DCHS1: variants seen among roughly 807,000 people sequenced by gnomAD.
The protein encoded by DCHS1 is dachsous cadherin-related 1.
A neutral mutation model predicts 213.9 loss-of-function variants in DCHS1; 78 were observed. The observed-to-expected ratio is 0.36, with a 90% CI of 0.30 to 0.44. The LOEUF is 0.44. Ranked by LOEUF, DCHS1 falls within the 20% of genes least tolerant of loss-of-function variation. DCHS1 has a pLI of 1.00. For synonymous variants in DCHS1, 1,828 were observed against 1,873.7 expected, an observed-to-expected ratio of 0.98 and a Z score of 0.63; for missense variants, 3,946 against 4,395.9, an observed-to-expected ratio of 0.90 and a Z score of 2.89.
chr11:6,644,111 C>T (rs1856121080), intron 1 of DCHS1, among the ~76,000 whole-genome samples: 1 of 152,210 alleles, frequency 6.6e-6, no homozygotes. Context: ...CTCCACCTGA[C>T]TGGAGATACC....
intron 2 of DCHS1, 145 bp from the exon 3 acceptor site, chr11:6,634,451 C>T: frequency 1.2e-6 from 1 of 864,838 alleles, no homozygotes; most frequent in South Asian, 2.2e-5. Flanking sequence ...CCAAACCCAA[C>T]CTCAGCCTGT....
At chr11:6,650,778 A>T (rs556057462) in intron 1 of DCHS1, among the ~76,000 whole-genome samples, 1 of 152,290 alleles carries the variant, frequency 6.6e-6, no homozygotes, top group Admixed American at 6.5e-5. Flanking sequence ...GCCCCAGTAG[A>T]CACCTGGCTC....
Position 6,621,810 on chromosome 11 carries a change from T to A in DCHS1, c.9866A>T (p.Glu3289Val). Residue 3289 changes from glutamate (E) to valine (V), a missense_variant, in exon 21 of 21, where the codon GAG becomes GTG. Physicochemically the swap from Glu to Val is moderately radical, Grantham distance 121 (BLOSUM62 -2). Transcript: ENST00000299441. Reference sequence around the variant, plus strand: ...GTGCAGCTCCGTGTCATCAGGTGGCTCCAGGCCAGACTCTGCGCTGAGTGC... The same window carrying A: ...GTGCAGCTCCGTGTCATCAGGTGGCACCAGGCCAGACTCTGCGCTGAGTGC... ...ASALSAESGL[E>V]PPDDTELHI 3 of 1,601,218 alleles carry A rather than the reference T, an allele frequency of 1.9e-6. No individual in the cohort carries two copies. The Admixed American group carries it at 5.1e-5, about 27-fold the overall frequency.
Position 6,632,931 on chromosome 11 carries a change from A to G in DCHS1, c.2581T>C (p.Leu861=), listed in dbSNP as rs1855934973. 1.2e-6 allele frequency: 2 copies of G among 1,614,020 alleles called. No individual in the cohort carries two copies. ...CTGCCTGCTCGCACCTCCAGCTCCA[A>G]CACTGGTCCCAGTAGCTCCCGGTCC... The part of the protein sequence containing the change: ...PLDRELLGPV[L]ELEVRAGSGV... Residue 861 remains leucine (L), a synonymous_variant, in exon 6 of 21, where the codon TTG becomes CTG. Coordinates refer to ENST00000299441, the MANE Select transcript of DCHS1 (RefSeq NM_003737.4). This position sits in a 1 kb window ranked among gnomAD's most constrained non-coding sequence, Gnocchi z 5.9.
At chr11:6,652,869 G>A (rs1451567496) in intron 1 of DCHS1, among the ~76,000 whole-genome samples, 1 of 152,102 alleles carries the variant, frequency 6.6e-6, no homozygotes, top group Non-Finnish European at 1.5e-5. Context: ...ACTGCCTAAA[G>A]AGCTCTTGAA....
chr11:6,643,882 G>A (rs1322399611), intron 1 of DCHS1, among the ~76,000 whole-genome samples: 1 of 152,136 alleles, frequency 6.6e-6, no homozygotes, highest in African/African-American at 2.4e-5. Flanking sequence ...CATCCATCCA[G>A]GTGTCCAACT....
In DCHS1 at chr11:6,623,396, C is replaced by A; in HGVS notation, c.8280G>T (p.Leu2760=). ...PGPEGREAFA[L]NSSTGELRAR... ...CACGCAACTCCCCTGTTGAGCTGTT[C>A]AGTGCAAATGCCTCACGGCCCTCAG... The change falls in exon 21 of 21, where the codon CTG becomes CTT. Residue 2760 remains leucine (L), a synonymous_variant. Transcript: ENST00000299441. 6.3e-7 allele frequency: 1 copy of A among 1,596,806 alleles called. No homozygotes were observed. The highest frequency in any genetic ancestry group is 2.3e-5 in the East Asian group (1 of 43,886).
rs143527272 is a variant in DCHS1, at chr11:6,628,205, A to T, written c.5371+416T>A. Among the ~76,000 whole-genome samples the T allele has an allele frequency of 1.7e-3, 260 of 152,358 alleles. 1 individual carries two copies. The highest frequency in any genetic ancestry group is 5.8e-3 in the African/African-American group (240 of 41,578). ...TAGTATTTCCTTGTGCTTACACAGA[A>T]ATACTGGCAAGCTGTATACTTCATT... On this transcript the variant is annotated intron_variant, in intron 13 of 20. Transcript: ENST00000299441. The surrounding 1 kb of genome is among the most constrained non-coding windows in gnomAD (Gnocchi z 4.3).
rs12292546 is a variant in DCHS1 at position 6,631,185 on chromosome 11, C to T, written c.3798G>A (p.Leu1266=). 24,810 of 1,611,332 alleles carry T rather than the reference C, an allele frequency of 0.015. 463 individuals are homozygous for T. Among genetic ancestry groups the T allele is most frequent in the African/African-American group, 0.08 (6,008 of 74,810 alleles). The change falls in exon 9 of 21, where the codon CTG becomes CTA. Residue 1266 remains leucine (L), a synonymous_variant. Coordinates refer to ENST00000299441, the MANE Select transcript of DCHS1 (RefSeq NM_003737.4). The part of the protein sequence containing the change: ...LTGPGSELFS[L]HPHSGELLTA... ...TGAGCAGCTCCCCTGAGTGAGGGTG[C>T]AGAGAGAAAAGCTCTGAGCCAGGAC...
chr11:6,623,630 A>C lies in DCHS1; in HGVS notation c.8046T>G (p.Pro2682=), dbSNP rs369330883. Residue 2682 remains proline, a synonymous_variant, in exon 21 of 21, where the codon CCT becomes CCG. Coordinates refer to ENST00000299441, the MANE Select transcript of DCHS1 (RefSeq NM_003737.4). ...RHQLVVQAAD[P]AGAHFALAPV... Reference sequence around the variant, plus strand: ...GTGCCAAAGCAAAGTGTGCACCAGCAGGGTCAGCAGCCTGTACTACAAGCT... The same window carrying C: ...GTGCCAAAGCAAAGTGTGCACCAGCCGGGTCAGCAGCCTGTACTACAAGCT... 27 of 1,613,704 alleles carry C rather than the reference A, an allele frequency of 1.7e-5. No individual in the cohort carries two copies. Among genetic ancestry groups the C allele is most frequent in the Non-Finnish European group, 1.9e-5 (23 of 1,179,898 alleles).
At position 6,632,624 on chromosome 11, in the gene DCHS1, G is replaced by T; in HGVS notation, c.2888C>A (p.Ala963Asp). The change falls in exon 6 of 21, where the codon GCC becomes GAC. Residue 963 changes from alanine to aspartate, a missense_variant. Ala to Asp is a moderately radical substitution (Grantham distance 126). Coordinates refer to ENST00000299441, the MANE Select transcript of DCHS1 (RefSeq NM_003737.4). The surrounding 1 kb of genome is among the most constrained non-coding windows in gnomAD (Gnocchi z 5.9). ...CCGGGCCTCCAGCTCCAGCTCATGGGCTGGCCCTCCTGAGGGCCCCAGAGG... is the reference window on the plus strand; with the variant it reads ...CCGGGCCTCCAGCTCCAGCTCATGGTCTGGCCCTCCTGAGGGCCCCAGAGG... Reference protein sequence around the residue: ...MRPLGPSGGPAHELELEARDG... With the variant: ...MRPLGPSGGPDHELELEARDG... 6.5e-7 allele frequency: 1 copy of T among 1,545,820 alleles called. No individual in the cohort carries two copies. The highest frequency in any genetic ancestry group is 8.8e-7 in the Non-Finnish European group (1 of 1,142,084).
intron 1 of DCHS1, 115 bp downstream of exon 1, chr11:6,655,448 C>A: frequency 2.9e-6 from 2 of 683,528 alleles, no homozygotes; most frequent in Non-Finnish European, 1.8e-6. Flanking sequence ...CCCCCTCCCC[C>A]ATTGTCTCCG....
chr11:6,638,321 A>T (rs920001040), intron 2 of DCHS1, among the ~76,000 whole-genome samples: 2 of 152,236 alleles, frequency 1.3e-5, no homozygotes, highest in African/African-American at 4.8e-5. Flanking sequence ...TCCACAGTGC[A>T]GCCAAAGCAA....
At position 6,632,825 on chromosome 11, in the gene DCHS1, G is replaced by A. The variant is rs762019022; in HGVS notation, c.2687C>T (p.Ala896Val). The change falls in exon 6 of 21, where the codon GCA (alanine) becomes GTA (valine). Residue 896 changes from alanine to valine, a missense_variant. By Grantham distance (64) the Ala-to-Val change is moderately conservative (BLOSUM62 0). Around this residue, in one of 3 missense-constraint regions of DCHS1, gnomAD observed 3,384 missense variants for 3,780.1 expected, o/e 0.90. Coordinates refer to ENST00000299441, the MANE Select transcript of DCHS1 (RefSeq NM_003737.4). The surrounding 1 kb of genome is among the most constrained non-coding windows in gnomAD (Gnocchi z 5.9). ...DVNDNSPAFP[A>V]PEDTVLLPPN... ...TGGTAGCAATACCGTGTCTTCAGGT[G>A]CAGGAAAGGCAGGGGAGTTGTCATT... is the stretch of plus-strand genomic sequence containing the variant. 2.1e-5 allele frequency: 34 copies of A among 1,614,008 alleles called. 1 individual carries two copies. The South Asian group carries it at 3.6e-4, about 17-fold the overall frequency.
intron 1 of DCHS1, among the ~76,000 whole-genome samples, chr11:6,651,708 T>C (rs1856245034): frequency 6.6e-6 from 1 of 152,154 alleles, no homozygotes; most frequent in Non-Finnish European, 1.5e-5. Context: ...ATATCAGAGA[T>C]TGCTGGAGAG....
chr11:6,627,460 T>C lies in DCHS1; in HGVS notation c.5579A>G (p.Tyr1860Cys). The change falls in exon 14 of 21, where the codon TAC becomes TGC. Residue 1860 changes from tyrosine to cysteine, a missense_variant. Physicochemically the swap from Tyr to Cys is radical, Grantham distance 194 (BLOSUM62 -2). Coordinates refer to ENST00000299441, the MANE Select transcript of DCHS1 (RefSeq NM_003737.4). This position sits in a 1 kb window ranked among gnomAD's most constrained non-coding sequence, Gnocchi z 5.4. ...CACATCCTCCGGCACCTCCACCGAG[T>C]AGGCAGGCACAGGAAAGGCTGGAGC... is the stretch of plus-strand genomic sequence containing the variant. Reference protein sequence around the residue: ...DHAPAFPVPAYSVEVPEDVPA... With the variant: ...DHAPAFPVPACSVEVPEDVPA... 1.2e-6 allele frequency: 2 copies of C among 1,610,932 alleles called. No homozygotes were observed. The highest frequency in any genetic ancestry group is 2.2e-5 in the East Asian group (1 of 44,746).
chr11:6,639,986 T>G lies in DCHS1; in HGVS notation c.1628A>C (p.Gln543Pro). ...AASLDYELEP[Q>P]PQLIVVATDG... is the part of the protein sequence containing the mutation. ...TGTGGCCACCACAATCAGCTGTGGC[T>G]GAGGTTCCAACTCATAGTCCAGTGA... The change falls in exon 2 of 21, where the codon CAG becomes CCG. Residue 543 changes from glutamine to proline, a missense_variant. Coordinates refer to ENST00000299441, the MANE Select transcript of DCHS1 (RefSeq NM_003737.4). 2.5e-6 allele frequency: 4 copies of G among 1,613,986 alleles called. No individual in the cohort carries two copies. The South Asian group carries it at 4.4e-5, about 18-fold the overall frequency.
Position 6,641,357 on chromosome 11 carries a change from C to T in DCHS1, c.257G>A (p.Ser86Asn). ...AATGGCCAGGTCTGTGCCCACGCCG[C>T]TGCCCTCTTGGGCAGAGATGAAGTA... ...LMYFISAQEG[S>N]GVGTDLAIDE... Residue 86 changes from serine to asparagine, a missense_variant, in exon 2 of 21, where the codon AGC becomes AAC. By Grantham distance (46) the Ser-to-Asn change is conservative (BLOSUM62 1). Coordinates refer to ENST00000299441, the MANE Select transcript of DCHS1 (RefSeq NM_003737.4). The surrounding 1 kb of genome is among the most constrained non-coding windows in gnomAD (Gnocchi z 7.1). 2 of 1,613,580 alleles carry T rather than the reference C, an allele frequency of 1.2e-6. No individual in the cohort carries two copies. The highest frequency in any genetic ancestry group is 1.7e-6 in the Non-Finnish European group (2 of 1,179,900).
intron 12 of DCHS1, 22 bp downstream of exon 12, chr11:6,629,430 T>C (rs745950459): frequency 2.9e-5 from 47 of 1,612,024 alleles, no homozygotes; most frequent in Non-Finnish European, 3.6e-5. Flanking sequence ...ACTCAGGCTC[T>C]TGGGGTCCTG....
Sources: allele counts gnomAD v4.1 joint callset (sites outside exome capture counted in the v4.1 genomes callset), GRCh38; gene constraint gnomAD v4.1.1; regional missense constraint gnomAD v4.1.1; non-coding constraint Gnocchi (gnomAD v3.1); transcripts MANE v1.5; gene names NCBI Gene and HGNC (gene_info 2026-07-23, HGNC 2026-07-21).